Variants in ZEB1 observed in about 807,000 individuals in gnomAD.
ZEB1 encodes the protein zinc finger E-box-binding homeobox 1.
A neutral mutation model predicts 84.9 loss-of-function variants in ZEB1; 21 were observed. That is an observed-to-expected ratio of 0.25 (90% CI 0.18 to 0.36). The LOEUF is 0.36. Among genes scored for constraint, ZEB1 ranks in the 10% least tolerant of loss-of-function variants. ZEB1 has a pLI of 1.00. For synonymous variants in ZEB1, 420 were observed against 471.1 expected, an observed-to-expected ratio of 0.89 and a Z score of 1.41; for missense variants, 1,104 against 1,330.2, an observed-to-expected ratio of 0.83 and a Z score of 2.65.
chr10:31,413,086 A>C (rs948478866), intron 1 of ZEB1, among the ~76,000 whole-genome samples: 1 of 152,158 alleles, frequency 6.6e-6, no homozygotes, highest in African/African-American at 2.4e-5. Context: ...GTTATATGGA[A>C]AATCAGCATT....
At chr10:31,417,511 T>C (rs950633818) in intron 1 of ZEB1, among the ~76,000 whole-genome samples, 1 of 152,106 alleles carries the variant, frequency 6.6e-6, no homozygotes, top group African/African-American at 2.4e-5. Context: ...CTAAGCACTC[T>C]TTATTCAGTA....
At chr10:31,471,128 A>G (rs1297252238) in intron 2 of ZEB1, among the ~76,000 whole-genome samples, 5 of 130,540 alleles carry the variant, frequency 3.8e-5, no homozygotes, top group Middle Eastern at 7.3e-3. Flanking sequence ...TGTAAAGACC[A>G]TCGAGACTAG....
chr10:31,507,177 A>G (rs1468789746), intron 4 of ZEB1, among the ~76,000 whole-genome samples: 1 of 152,090 alleles, frequency 6.6e-6, no homozygotes, highest in Non-Finnish European at 1.5e-5. Context: ...CTCCTTGCCT[A>G]TAAAGTTTCT....
At position 31,399,158 on chromosome 10, in the gene ZEB1, C is replaced by A. The variant is rs1342371760; in HGVS notation, c.59-61879C>A. Among the ~76,000 whole-genome samples, 3 of 152,152 alleles carry A rather than the reference C, an allele frequency of 2.0e-5. No individual in the cohort carries two copies. In the East Asian group the frequency reaches 5.8e-4, roughly 29 times the overall value. ...TACAGGCGTGTGCCAGCACACCTGG[C>A]TAATTTTTGTAATTTTAGTAGAAAT... is the stretch of plus-strand genomic sequence containing the variant. On this transcript the variant is annotated intron_variant, in intron 1 of 8. Coordinates refer to ENST00000424869, the MANE Select transcript of ZEB1 (RefSeq NM_001174096.2).
chr10:31,474,601 A>G (rs1448353264), intron 2 of ZEB1, among the ~76,000 whole-genome samples: 1 of 152,160 alleles, frequency 6.6e-6, no homozygotes, highest in Non-Finnish European at 1.5e-5. Flanking sequence ...GAACACTTTT[A>G]CACTGTTGGT....
At chr10:31,435,638 T>C (rs1193803598) in intron 1 of ZEB1, among the ~76,000 whole-genome samples, 1 of 152,080 alleles carries the variant, frequency 6.6e-6, no homozygotes, top group Non-Finnish European at 1.5e-5. Context: ...AAGGCAAGTG[T>C]AGGGGCATGG....
chr10:31,393,159 T>C (rs1459542888), intron 1 of ZEB1, among the ~76,000 whole-genome samples: 1 of 152,204 alleles, frequency 6.6e-6, no homozygotes, highest in African/African-American at 2.4e-5. Flanking sequence ...TATTTTTTAT[T>C]TAAATTAAAT....
chr10:31,526,486 C>T (rs889458296), intron 8 of ZEB1, among the ~76,000 whole-genome samples, 186 bp from the exon 9 acceptor site: 1 of 151,836 alleles, frequency 6.6e-6, no homozygotes, highest in Non-Finnish European at 1.5e-5. Context: ...TAGAGCACTA[C>T]GTTTTTTAAT....
intron 1 of ZEB1, among the ~76,000 whole-genome samples, chr10:31,335,795 A>G (rs2037892829): frequency 6.6e-6 from 1 of 152,166 alleles, no homozygotes; most frequent in Admixed American, 6.5e-5. Flanking sequence ...ACAAAGATAC[A>G]ATGATTAGAA....
intron 2 of ZEB1, among the ~76,000 whole-genome samples, chr10:31,466,837 T>C (rs1363327003): frequency 6.6e-6 from 1 of 152,046 alleles, no homozygotes; most frequent in Non-Finnish European, 1.5e-5. Flanking sequence ...TTTGAGAAGA[T>C]AAAATCAACA....
chr10:31,324,970 C>T (rs2035136560), intron 1 of ZEB1, among the ~76,000 whole-genome samples: 2 of 151,986 alleles, frequency 1.3e-5, no homozygotes, highest in African/African-American at 2.4e-5. Flanking sequence ...CATTCTTTTG[C>T]ATGGGGCAGT....
At chr10:31,427,611 T>C (rs2057125309) in intron 1 of ZEB1, among the ~76,000 whole-genome samples, 1 of 152,218 alleles carries the variant, frequency 6.6e-6, no homozygotes, top group South Asian at 2.1e-4. Context: ...CCCAGCACTT[T>C]GGGAGGCCAA....
At chr10:31,380,898 A>G (rs374135996) in intron 1 of ZEB1, among the ~76,000 whole-genome samples, 18 of 152,198 alleles carry the variant, frequency 1.2e-4, no homozygotes, top group African/African-American at 3.9e-4. Flanking sequence ...TATGTAGTCA[A>G]CATATATACA....
At chr10:31,442,345 G>A (rs2059122512) in intron 1 of ZEB1, among the ~76,000 whole-genome samples, 2 of 152,056 alleles carry the variant, frequency 1.3e-5, no homozygotes. Context: ...ACTCTTAGGT[G>A]GGAATTGAAC....
chr10:31,481,767 T>C (rs893450748), intron 2 of ZEB1, among the ~76,000 whole-genome samples: 2 of 151,844 alleles, frequency 1.3e-5, no homozygotes, highest in African/African-American at 4.8e-5. Flanking sequence ...AGCAGCAAAA[T>C]AAATAATGAT....
intron 1 of ZEB1, among the ~76,000 whole-genome samples, chr10:31,395,036 G>A (rs1172872179): frequency 6.6e-6 from 1 of 152,134 alleles, no homozygotes; most frequent in Non-Finnish European, 1.5e-5. Context: ...AGAGGAAGTG[G>A]GTTGTTGCTT....
intron 1 of ZEB1, chr10:31,319,624 T>G: frequency 3.0e-6 from 1 of 329,476 alleles, no homozygotes; most frequent in Non-Finnish European, 5.5e-6. Context: ...CGGGACGCAC[T>G]GGCCACTTTT....
In ZEB1 at chr10:31,363,191, G is replaced by T. The variant is rs1368797696; in HGVS notation, c.58+43899G>T. 2.0e-6 allele frequency: 3 copies of T among 1,534,056 alleles called. No homozygotes were observed. In the Admixed American group the frequency reaches 5.9e-5, roughly 30 times the overall value. ...ACCATCAGCAAGCCTGGAGAGCTGG[G>T]CAGGTGGTCTTCACCCAGCACCTTC... On this transcript the variant is annotated intron_variant, in intron 1 of 8. Transcript: ENST00000424869.
intron 1 of ZEB1, among the ~76,000 whole-genome samples, chr10:31,411,852 A>G (rs2054355147): frequency 6.6e-6 from 1 of 152,156 alleles, no homozygotes; most frequent in Non-Finnish European, 1.5e-5. Context: ...TTTGAGAGTT[A>G]CCTTTTATTC....
Sources: gnomAD v4.1 joint callset for allele counts (sites outside exome capture counted in the v4.1 genomes callset) on GRCh38, gnomAD v4.1.1 for gene constraint, MANE v1.5 for transcripts, NCBI Gene and HGNC (gene_info 2026-07-23, HGNC 2026-07-21) for gene names.